The following ACSL5 variants were observed in gnomAD, a reference collection of about 807,000 sequenced individuals.
ACSL5 encodes the protein acyl-CoA synthetase long chain family member 5.
A neutral mutation model predicts 84.9 loss-of-function variants in ACSL5; 50 were observed. The ratio of observed to expected loss-of-function variants is 0.59; its 90% CI spans 0.47 to 0.75. The LOEUF (loss-of-function observed/expected upper bound fraction) is 0.75. Ranked by LOEUF, ACSL5 falls within the 30% of genes least tolerant of loss-of-function variation. The probability of loss-of-function intolerance (pLI) is 0.00; values close to 1 mark genes in which losing one functional copy is unlikely to be tolerated. For synonymous variants in ACSL5, 280 were observed against 300.7 expected, an observed-to-expected ratio of 0.93 and a Z score of 0.71; for missense variants, 775 against 830.4, an observed-to-expected ratio of 0.93 and a Z score of 0.82.
intron 7 of ACSL5, 94 bp downstream of exon 7, chr10:112,409,779 C>A: frequency 7.7e-7 from 1 of 1,296,890 alleles, no homozygotes; most frequent in Non-Finnish European, 1.1e-6. Flanking sequence ...TGTTCTTGTT[C>A]TCCAGGGGTG....
At chr10:112,390,560 T>C (rs1473360631) in intron 1 of ACSL5, among the ~76,000 whole-genome samples, 2 of 152,140 alleles carry the variant, frequency 1.3e-5, no homozygotes, top group Non-Finnish European at 2.9e-5. Flanking sequence ...GAAAAAGATA[T>C]TCAAACAAAA....
chr10:112,379,608 G>A (rs1043962651), intron 1 of ACSL5, among the ~76,000 whole-genome samples: 15 of 152,054 alleles, frequency 9.9e-5, no homozygotes, highest in African/African-American at 3.4e-4. Flanking sequence ...CTTCCCATGT[G>A]CCTGACAGCA....
intron 1 of ACSL5, chr10:112,376,588 GC>G: frequency 8.2e-7 from 1 of 1,215,828 alleles, no homozygotes; most frequent in African/African-American, 1.5e-5. Flanking sequence ...GGCACATCAT[GC>G]TGTCTCCCTC....
Position 112,428,238 on chromosome 10 carries a change from C to A in ACSL5, c.*880C>A. Reference sequence around the variant, plus strand: ...TCTACAGGCAAGCAAGATGCCCACACAACAGGCTTATTTTCTGTGAAGGAA... The same window carrying A: ...TCTACAGGCAAGCAAGATGCCCACAAAACAGGCTTATTTTCTGTGAAGGAA... On this transcript the variant is annotated 3_prime_UTR_variant, in exon 21 of 21. Coordinates refer to ENST00000354655, the MANE Select transcript of ACSL5 (RefSeq NM_203379.2). 2.6e-6 allele frequency: 1 copy of A among 382,310 alleles called. No homozygotes were observed. The highest frequency in any genetic ancestry group is 4.6e-6 in the Non-Finnish European group (1 of 216,214). The allele number at this position is 382,310 out of a possible 1,614,324, so 23.7% of individuals were successfully genotyped here.
intron 1 of ACSL5, among the ~76,000 whole-genome samples, chr10:112,390,082 G>A (rs1849526446): frequency 7.7e-6 from 1 of 129,662 alleles, no homozygotes; most frequent in South Asian, 2.8e-4. Flanking sequence ...ATTGTTAATT[G>A]TAAAAAAATA....
chr10:112,398,652 G>A (rs979858837), intron 2 of ACSL5, among the ~76,000 whole-genome samples: 8 of 152,024 alleles, frequency 5.3e-5, no homozygotes, highest in Middle Eastern at 6.8e-3. Flanking sequence ...TGATCCACCC[G>A]CCTCAGCCTC....
chr10:112,404,644 T>C lies in ACSL5; in HGVS notation c.331-61T>C. ...TATTCTGAACTACAGGATACGATAT[T>C]GGTCAGTTTTTGGTCTTGACCTCTT... On this transcript the variant is annotated intron_variant, in intron 4 of 20. Transcript: ENST00000354655. The C allele has an allele frequency of 2.5e-6, 4 of 1,598,090 alleles. No homozygotes were observed. The South Asian group carries it at 4.4e-5, about 18-fold the overall frequency.
At chr10:112,408,592 T>G in intron 6 of ACSL5, 71 bp downstream of exon 6, 2 of 1,117,704 alleles carry the variant, frequency 1.8e-6, no homozygotes, top group Middle Eastern at 2.1e-4. Flanking sequence ...TTCTGCTTTT[T>G]TGTTTATTTG....
At chr10:112,385,019 G>A (rs1849422615) in intron 1 of ACSL5, among the ~76,000 whole-genome samples, 1 of 152,126 alleles carries the variant, frequency 6.6e-6, no homozygotes, top group Admixed American at 6.5e-5. Flanking sequence ...TTGTGTGGAA[G>A]TACTGTAATT....
Position 112,422,605 on chromosome 10 carries a change from GAGA to G in ACSL5, c.1593+169_1593+171del, listed in dbSNP as rs1429444107. Among the ~76,000 whole-genome samples the G allele has an allele frequency of 2.6e-5, 4 of 152,250 alleles. No individual in the cohort carries two copies. The South Asian group carries it at 6.2e-4, about 24-fold the overall frequency. ...GCTTATGACTTCCTCATACTATCCA[GAGA>G]AGAACATACAGACTGAGGTGGTGGA... On this transcript the variant is annotated intron_variant, in intron 17 of 20. Coordinates refer to ENST00000354655, the MANE Select transcript of ACSL5 (RefSeq NM_203379.2).
At chr10:112,377,746 G>A (rs910919700) in intron 1 of ACSL5, among the ~76,000 whole-genome samples, 1 of 152,100 alleles carries the variant, frequency 6.6e-6, no homozygotes, top group African/African-American at 2.4e-5. Flanking sequence ...CATCTTTTGT[G>A]TATTTGGCAT....
intron 9 of ACSL5, chr10:112,411,247 T>C (rs1844169014): frequency 8.7e-6 from 5 of 575,854 alleles, no homozygotes; most frequent in Non-Finnish European, 1.5e-5. Context: ...TGCATAGTAG[T>C]AGAAGGCCAA....
intron 17 of ACSL5, chr10:112,424,716 C>T (rs1467676563): frequency 6.6e-6 from 1 of 152,124 alleles, no homozygotes; most frequent in East Asian, 1.9e-4. Flanking sequence ...GCCATTTGTC[C>T]CAATTCTACA....
chr10:112,426,294 G>C lies in ACSL5; in HGVS notation c.1774G>C (p.Val592Leu). The C allele has an allele frequency of 4.3e-6, 7 of 1,614,114 alleles. No homozygotes were observed. The highest frequency in any genetic ancestry group is 5.1e-6 in the Non-Finnish European group (6 of 1,179,992). Residue 592 changes from valine (V) to leucine (L), a missense_variant, in exon 19 of 21, where the codon GTA becomes CTA. By Grantham distance (32) the Val-to-Leu change is conservative. Coordinates refer to ENST00000354655, the MANE Select transcript of ACSL5 (RefSeq NM_203379.2). ...AGGAGTGGTGGTTCCTGACACAGATGTACTTCCCTCATTTGCAGCCAAGCT... is the reference window on the plus strand; with the variant it reads ...AGGAGTGGTGGTTCCTGACACAGATCTACTTCCCTCATTTGCAGCCAAGCT... ...LVGVVVPDTDVLPSFAAKLGV... is the reference protein window; with the variant it reads ...LVGVVVPDTDLLPSFAAKLGV...
At chr10:112,414,091 C>T (rs372603551) in intron 12 of ACSL5, among the ~76,000 whole-genome samples, 40 of 152,206 alleles carry the variant, frequency 2.6e-4, no homozygotes, top group East Asian at 1.9e-3. Flanking sequence ...GTAGTCATGT[C>T]GGCTAGTCAT....
chr10:112,419,742 A>G (rs1445586831), intron 14 of ACSL5: 1 of 152,226 alleles, frequency 6.6e-6, no homozygotes, highest in Non-Finnish European at 1.5e-5. Context: ...GTATTGCCAT[A>G]TAAAAATTTC....
intron 9 of ACSL5, 102 bp downstream of exon 9, chr10:112,410,737 C>T (rs1010333961): frequency 1.6e-6 from 2 of 1,261,244 alleles, no homozygotes; most frequent in Non-Finnish European, 2.2e-6. Flanking sequence ...CTAAAGAGCC[C>T]TATACTTAGG....
intron 1 of ACSL5, among the ~76,000 whole-genome samples, chr10:112,378,142 A>G (rs1849276721): frequency 6.6e-6 from 1 of 151,430 alleles, no homozygotes; most frequent in Non-Finnish European, 1.5e-5. Context: ...GAGAGAAATG[A>G]ATGGAGAGAG....
chr10:112,400,565 T>C (rs1394826298), intron 3 of ACSL5, among the ~76,000 whole-genome samples: 1 of 151,896 alleles, frequency 6.6e-6, no homozygotes, highest in Admixed American at 6.6e-5. Flanking sequence ...CCTGCCACCA[T>C]GCTTGGCTGA....
Sources: gnomAD v4.1 joint callset for allele counts (sites outside exome capture counted in the v4.1 genomes callset) on GRCh38, gnomAD v4.1.1 for gene constraint, MANE v1.5 for transcripts, NCBI Gene and HGNC (gene_info 2026-07-23, HGNC 2026-07-21) for gene names.